The following DSCAM variants were observed in gnomAD, a reference collection of about 807,000 sequenced individuals.
The protein encoded by DSCAM is cell adhesion molecule DSCAM.
Under a neutral mutation model 217.7 loss-of-function variants are expected in DSCAM, and 47 were observed. The observed-to-expected ratio is 0.22, with a 90% confidence interval of 0.17 to 0.28. The LOEUF (loss-of-function observed/expected upper bound fraction) is 0.28, where lower values mean the gene tolerates loss of function less well. Among genes scored for constraint, DSCAM ranks in the 10% least tolerant of loss-of-function variants. The pLI, the probability that DSCAM is intolerant of heterozygous loss-of-function variation, is 1.00. For missense variants in DSCAM, 2,080 were observed against 2,618.3 expected, an observed-to-expected ratio of 0.79 and a Z score of 4.49; for synonymous variants, 1,056 against 1,015.3, an observed-to-expected ratio of 1.04 and a Z score of -0.76.
intron 3 of DSCAM, among the ~76,000 whole-genome samples, chr21:40,503,366 C>T (rs945900180): frequency 2.0e-5 from 3 of 152,240 alleles, no homozygotes; most frequent in African/African-American, 7.2e-5. Flanking sequence ...TTTATTCCCC[C>T]TCTTATGGAT....
intron 3 of DSCAM, among the ~76,000 whole-genome samples, chr21:40,637,732 G>A (rs2146335249): frequency 6.9e-6 from 1 of 144,758 alleles, no homozygotes; most frequent in Non-Finnish European, 1.5e-5. Context: ...GAGTGCAATG[G>A]CATGATGTTG....
intron 3 of DSCAM, among the ~76,000 whole-genome samples, chr21:40,430,372 T>C (rs2075519178): frequency 6.6e-6 from 1 of 152,220 alleles, no homozygotes; most frequent in East Asian, 1.9e-4. Context: ...AGACCCACCC[T>C]TAATTTGTTG....
chr21:40,125,034 C>A (rs2090079251), intron 19 of DSCAM, among the ~76,000 whole-genome samples: 1 of 152,148 alleles, frequency 6.6e-6, no homozygotes, highest in Non-Finnish European at 1.5e-5. Flanking sequence ...TGAGGGTGAA[C>A]TACCTCAGCC....
chr21:40,081,706 G>C (rs959392640), intron 24 of DSCAM, among the ~76,000 whole-genome samples: 1 of 152,164 alleles, frequency 6.6e-6, no homozygotes. Flanking sequence ...TGATAGGCCT[G>C]TATAGTTCCC....
At chr21:40,314,895 G>T (rs536992440) in intron 8 of DSCAM, among the ~76,000 whole-genome samples, 1 of 152,258 alleles carries the variant, frequency 6.6e-6, no homozygotes, top group Non-Finnish European at 1.5e-5. Context: ...AGTTAACACA[G>T]TAATTCTCAA....
intron 3 of DSCAM, among the ~76,000 whole-genome samples, chr21:40,619,640 T>G (rs1026070103): frequency 2.6e-5 from 4 of 152,212 alleles, no homozygotes; most frequent in Non-Finnish European, 5.9e-5. Context: ...ATCTATGTAT[T>G]AAGGTACTAC....
intron 1 of DSCAM, among the ~76,000 whole-genome samples, chr21:40,759,449 C>T (rs529466867): frequency 6.6e-6 from 1 of 152,338 alleles, no homozygotes; most frequent in Non-Finnish European, 1.5e-5. Context: ...ACTGAATGAT[C>T]TTTAAAGTGC....
intron 9 of DSCAM, among the ~76,000 whole-genome samples, chr21:40,301,188 TCCC>T (rs1011447942): frequency 6.6e-6 from 1 of 152,204 alleles, no homozygotes; most frequent in African/African-American, 2.4e-5. Flanking sequence ...CCACGAACTG[TCCC>T]ACTTGAATTC....
At position 40,708,458 on chromosome 21, in the gene DSCAM, C is replaced by A; in HGVS notation, c.357G>T (p.Lys119Asn). The stretch of plus-strand genomic sequence containing the variant: ...AAAGCCCAGAGCTGTACTCACCAGC[C>A]TTGATGTGGACATCCTGACTTCTAA... ...GKIRSQDVHI[K>N]AVLREPYTVR... The change falls in exon 2 of 33, where the codon AAG becomes AAT. Residue 119 changes from lysine (K) to asparagine (N), a missense_variant. Around this residue, in one of 5 missense-constraint regions of DSCAM, gnomAD observed 568 missense variants for 678.1 expected, o/e 0.84. Transcript: ENST00000400454. The A allele has an allele frequency of 6.6e-7, 1 of 1,503,946 alleles. No individual in the cohort carries two copies. Among genetic ancestry groups the A allele is most frequent in the East Asian group, 2.3e-5 (1 of 43,100 alleles). The allele number at this position is 1,503,946 out of a possible 1,614,324, so 93.2% of individuals were successfully genotyped here. A position where few individuals can be genotyped will look rare whatever the true frequency, so the allele number is the denominator to read the frequency against.
chr21:40,648,314 T>C (rs1282664168), intron 3 of DSCAM, among the ~76,000 whole-genome samples: 1 of 151,574 alleles, frequency 6.6e-6, no homozygotes, highest in East Asian at 1.9e-4. Flanking sequence ...TCTGAAGCTA[T>C]AGCATTGTTT....
At chr21:40,360,936 T>C (rs1033502966) in intron 4 of DSCAM, among the ~76,000 whole-genome samples, 4 of 152,158 alleles carry the variant, frequency 2.6e-5, no homozygotes, top group Non-Finnish European at 5.9e-5. Context: ...CCACCAGTAG[T>C]GTATAAGTGT....
chr21:40,829,031 C>A (rs2091992218), intron 1 of DSCAM, among the ~76,000 whole-genome samples: 1 of 152,188 alleles, frequency 6.6e-6, no homozygotes, highest in South Asian at 2.1e-4. Context: ...CTGTCCTACT[C>A]CCCTGGGCTG....
chr21:40,089,160 C>T (rs112037696), intron 21 of DSCAM, among the ~76,000 whole-genome samples: 274 of 152,306 alleles, frequency 1.8e-3, no homozygotes, highest in Middle Eastern at 6.8e-3. Flanking sequence ...CCCATGCTAT[C>T]GCTCAATGCC....
intron 3 of DSCAM, among the ~76,000 whole-genome samples, chr21:40,535,566 T>C (rs1432250120): frequency 6.6e-6 from 1 of 152,220 alleles, no homozygotes; most frequent in Non-Finnish European, 1.5e-5. Context: ...TGCAAGCACA[T>C]TTTTCAAAAA....
intron 3 of DSCAM, among the ~76,000 whole-genome samples, chr21:40,456,361 A>G (rs2075763499): frequency 6.6e-6 from 1 of 152,068 alleles, no homozygotes; most frequent in Non-Finnish European, 1.5e-5. Context: ...TTCTCACAGT[A>G]ACAGTCTACT....
chr21:40,576,383 G>T (rs963305039), intron 3 of DSCAM, among the ~76,000 whole-genome samples: 1 of 152,180 alleles, frequency 6.6e-6, no homozygotes, highest in Non-Finnish European at 1.5e-5. Context: ...AGAAAGGATT[G>T]CATCTGGGTT....
rs2074953827 is a variant in DSCAM, at chr21:40,376,468, A to ATATCTATATATCTTATATC, written c.509-7224_509-7223insGATATAAGATATATAGATA. Among the ~76,000 whole-genome samples the ATATCTATATATCTTATATC allele has an allele frequency of 8.0e-5, 9 of 112,764 alleles. 1 individual carries two copies. The highest frequency in any genetic ancestry group is 3.8e-4 in the African/African-American group (9 of 23,488). 74.0% of individuals were successfully genotyped at this position (112,764 alleles called of 152,430 possible). On this transcript the variant is annotated intron_variant, in intron 3 of 32. Transcript: ENST00000400454. Reference sequence around the variant, plus strand: ...ATATAGATATCTATATATCTTATATAGATATCTATATATCTTATATAGATA... The same window carrying ATATCTATATATCTTATATC: ...ATATAGATATCTATATATCTTATATATATCTATATATCTTATATCGATATCTATATATCTTATATAGATA...
At chr21:40,493,920 G>A (rs576311610) in intron 3 of DSCAM, among the ~76,000 whole-genome samples, 15 of 148,916 alleles carry the variant, frequency 1.0e-4, no homozygotes, top group South Asian at 2.1e-4. Context: ...ACTGTTGGGC[G>A]AAGTGAAAGT....
rs113551232 is a variant in DSCAM at position 40,530,003 on chromosome 21, G to T, written c.509-160758C>A. The stretch of plus-strand genomic sequence containing the variant: ...ACAGATATATTGCTTTAACTCTAAG[G>T]GTGCTGTTTATTTCAAGAGATGCCT... On this transcript the variant is annotated intron_variant, in intron 3 of 32. Coordinates refer to ENST00000400454, the MANE Select transcript of DSCAM (RefSeq NM_001389.5). Among the ~76,000 whole-genome samples, 596 of 152,198 alleles carry T rather than the reference G, an allele frequency of 3.9e-3. 1 individual carries two copies. Among genetic ancestry groups the T allele is most frequent in the African/African-American group, 0.013 (533 of 41,530 alleles).
Sources: allele counts gnomAD v4.1 joint callset (sites outside exome capture counted in the v4.1 genomes callset), GRCh38; gene constraint gnomAD v4.1.1; regional missense constraint gnomAD v4.1.1; transcripts MANE v1.5; gene names NCBI Gene and HGNC (gene_info 2026-07-23, HGNC 2026-07-21).